Variants in PALM2AKAP2 observed in about 807,000 individuals in gnomAD.
PALM2AKAP2 encodes PALM2 and AKAP2 fusion, also known as PALM2-AKAP2 fusion protein.
PALM2AKAP2 carries 37 observed loss-of-function variants against 71.5 expected under a neutral mutation model. That is an observed-to-expected ratio of 0.52 (90% CI 0.40 to 0.68). The LOEUF (loss-of-function observed/expected upper bound fraction) is 0.68, where lower values mean the gene tolerates loss of function less well. Among genes scored for constraint, PALM2AKAP2 ranks in the 30% least tolerant of loss-of-function variants. The probability of loss-of-function intolerance (pLI) is 0.00; values close to 1 mark genes in which losing one functional copy is unlikely to be tolerated. For missense variants in PALM2AKAP2, 1,224 were observed against 1,191.8 expected (o/e 1.03, Z -0.40); for synonymous variants, 468 against 478.8 (o/e 0.98, Z 0.29).
chr9:109,727,741 T>C lies in PALM2AKAP2; in HGVS notation c.6-52747T>C, dbSNP rs187033739. On this transcript the variant is annotated intron_variant, in intron 1 of 6. Transcript: ENST00000374531. Reference sequence around the variant, plus strand: ...CATATTTTTCATGCACCGTAGTTAATGTTTAAATGTTCAGAAGAAATTGCA... The same window carrying C: ...CATATTTTTCATGCACCGTAGTTAACGTTTAAATGTTCAGAAGAAATTGCA... Among the ~76,000 whole-genome samples the C allele has an allele frequency of 4.6e-5, 7 of 152,182 alleles. No homozygotes were observed. The East Asian group carries it at 9.6e-4, about 21-fold the overall frequency.
chr9:109,665,121 G>A (rs987213493), intron 1 of PALM2AKAP2, among the ~76,000 whole-genome samples: 5 of 152,022 alleles, frequency 3.3e-5, no homozygotes, highest in African/African-American at 9.7e-5. Context: ...CCTTGCGATG[G>A]GTTCGAACCT....
intron 7 of PALM2AKAP2, among the ~76,000 whole-genome samples, chr9:110,016,642 A>G (rs965547641): frequency 3.9e-5 from 6 of 152,228 alleles, no homozygotes; most frequent in Admixed American, 2.0e-4. Context: ...GCCAGAATAA[A>G]GAATCTGTAG....
intron 6 of PALM2AKAP2, among the ~76,000 whole-genome samples, chr9:110,011,014 A>AAAAAAATATAT (rs35212981): frequency 2.0e-4 from 14 of 69,590 alleles, no homozygotes; most frequent in African/African-American, 1.0e-3. Flanking sequence ...AAAAAAAAAA[A>AAAAAAATATAT]ATATATATAT....
At chr9:110,136,489 G>T (rs367968319) in exon 2 of PALM2AKAP2, 35 of 1,614,024 alleles carry the variant, frequency 2.2e-5, no homozygotes, top group Admixed American at 1.2e-4. Flanking sequence ...CTGGTGCAGT[G>T]GTTCTGGTGG....
chr9:109,839,781 A>T (rs184310160), intron 1 of PALM2AKAP2, among the ~76,000 whole-genome samples: 7 of 152,338 alleles, frequency 4.6e-5, no homozygotes, highest in Admixed American at 4.6e-4. Context: ...CAAAGAGAAT[A>T]AAATACCTAA....
chr9:109,764,520 GT>G (rs1829116640), intron 1 of PALM2AKAP2, among the ~76,000 whole-genome samples: 1 of 152,144 alleles, frequency 6.6e-6, no homozygotes, highest in Admixed American at 6.5e-5. Context: ...TTCTCTGGCA[GT>G]TCCCCTAGAT....
intron 2 of PALM2AKAP2, among the ~76,000 whole-genome samples, chr9:110,145,891 C>CTTTT (rs61137720): frequency 0.025 from 1,586 of 64,356 alleles, 10 homozygotes; most frequent in East Asian, 0.034. Context: ...CCTCACTCTT[C>CTTTT]TTTTTTTTTT....
chr9:109,870,876 G>T (rs965585360), intron 2 of PALM2AKAP2, among the ~76,000 whole-genome samples: 1 of 152,140 alleles, frequency 6.6e-6, no homozygotes, highest in African/African-American at 2.4e-5. Flanking sequence ...TAGGAAATAT[G>T]TCAGTAATCA....
chr9:109,827,406 T>G (rs1457553657), intron 1 of PALM2AKAP2, among the ~76,000 whole-genome samples: 1 of 152,046 alleles, frequency 6.6e-6, no homozygotes, highest in East Asian at 1.9e-4. Context: ...ACAAGGAGTT[T>G]GAGAGCAGCC....
chr9:109,939,595 A>ACT (rs1268240326), intron 6 of PALM2AKAP2, among the ~76,000 whole-genome samples: 1 of 152,228 alleles, frequency 6.6e-6, no homozygotes, highest in African/African-American at 2.4e-5. Flanking sequence ...GTGTCCCATG[A>ACT]GTGTGTTAAT....
chr9:110,123,793 G>T (rs890551922), intron 1 of PALM2AKAP2, among the ~76,000 whole-genome samples: 10 of 152,310 alleles, frequency 6.6e-5, no homozygotes, highest in African/African-American at 1.9e-4. Context: ...AATGGAGTGG[G>T]TCCCGGGTGC....
chr9:110,090,379 T>C, intron 1 of PALM2AKAP2: 1 of 456,716 alleles, frequency 2.2e-6, no homozygotes, highest in Non-Finnish European at 4.4e-6. Context: ...GAAAGTTAGG[T>C]CATGATTGCC....
chr9:110,055,130 A>G (rs1195410992), intron 1 of PALM2AKAP2, among the ~76,000 whole-genome samples: 1 of 151,348 alleles, frequency 6.6e-6, no homozygotes, highest in East Asian at 1.9e-4. Flanking sequence ...TCATTGGGAC[A>G]ATGGACCGCA....
intron 1 of PALM2AKAP2, among the ~76,000 whole-genome samples, chr9:109,845,554 A>T (rs1828831786): frequency 1.3e-5 from 2 of 152,150 alleles, no homozygotes; most frequent in South Asian, 4.1e-4. Flanking sequence ...AGTCCTAGGG[A>T]GACAAAGAAA....
intron 1 of PALM2AKAP2, among the ~76,000 whole-genome samples, chr9:109,865,372 T>G (rs1303920379): frequency 6.6e-6 from 1 of 152,154 alleles, no homozygotes; most frequent in Admixed American, 6.5e-5. Context: ...GTGCTGGGAT[T>G]ACAGGTATGA....
At chr9:109,806,340 G>A (rs566419983) in intron 1 of PALM2AKAP2, among the ~76,000 whole-genome samples, 3 of 152,266 alleles carry the variant, frequency 2.0e-5, no homozygotes, top group East Asian at 1.9e-4. Context: ...ATGCATCTGA[G>A]TTTATGTAAT....
chr9:109,790,746 C>G (rs1827092573), intron 1 of PALM2AKAP2, among the ~76,000 whole-genome samples: 1 of 152,172 alleles, frequency 6.6e-6, no homozygotes, highest in Non-Finnish European at 1.5e-5. Flanking sequence ...ACATCTTGGG[C>G]TGATATCACG....
chr9:110,149,994 C>T (rs1027163331), intron 2 of PALM2AKAP2, among the ~76,000 whole-genome samples: 10 of 152,160 alleles, frequency 6.6e-5, no homozygotes, highest in African/African-American at 4.8e-5. Context: ...CCCGCAAATT[C>T]GTATACTGAA....
At chr9:110,152,468 A>G (rs1282114284) in intron 2 of PALM2AKAP2, among the ~76,000 whole-genome samples, 1 of 152,130 alleles carries the variant, frequency 6.6e-6, no homozygotes, top group African/African-American at 2.4e-5. Context: ...AGAAGCACCA[A>G]AGATAACCAT....
Sources: gnomAD v4.1 joint callset for allele counts (sites outside exome capture counted in the v4.1 genomes callset) on GRCh38, gnomAD v4.1.1 for gene constraint, MANE v1.5 for transcripts, NCBI Gene and HGNC (gene_info 2026-07-23, HGNC 2026-07-21) for gene names.